The following DPT variants were observed in gnomAD, a reference collection of about 807,000 sequenced individuals.
DPT encodes tyrosine-rich acidic matrix protein.
Under a neutral mutation model 31.2 loss-of-function variants are expected in DPT, and 21 were observed. The ratio of observed to expected loss-of-function variants is 0.67; its 90% CI spans 0.48 to 0.97. The LOEUF (loss-of-function observed/expected upper bound fraction) is 0.97, where lower values mean the gene tolerates loss of function less well. Ranked by LOEUF, DPT falls within the 50% of genes least tolerant of loss-of-function variation. The probability of loss-of-function intolerance (pLI) is 0.00; values close to 1 mark genes in which losing one functional copy is unlikely to be tolerated. For missense variants in DPT, 262 were observed against 258.8 expected, an observed-to-expected ratio of 1.01 and a Z score of -0.08; for synonymous variants, 91 against 86.9, an observed-to-expected ratio of 1.05 and a Z score of -0.26.
At chr1:168,701,777 T>C (rs1243401679) in intron 2 of DPT, among the ~76,000 whole-genome samples, 2 of 152,182 alleles carry the variant, frequency 1.3e-5, no homozygotes, top group African/African-American at 4.8e-5. Flanking sequence ...ACATACATAA[T>C]AAATATTAGC....
At position 168,700,942 on chromosome 1, in the gene DPT, C is replaced by A; in HGVS notation, c.539+75G>T. ...GTGTGTGTGTGTTTATAAATTCCTG[C>A]AGGTAAAATCCTTGCAGGGAGTTAG... On this transcript the variant is annotated intron_variant, in intron 3 of 3. Transcript: ENST00000367817. 4.5e-6 allele frequency: 4 copies of A among 888,284 alleles called. No individual in the cohort carries two copies. In the Admixed American group the frequency reaches 5.6e-5, roughly 12 times the overall value. 55.0% of individuals were successfully genotyped at this position (888,284 alleles called of 1,614,324 possible).
rs1649457352 is a variant in DPT, at chr1:168,695,961, A to G, written c.*588T>C. On this transcript the variant is annotated 3_prime_UTR_variant, in exon 4 of 4. Coordinates refer to ENST00000367817, the MANE Select transcript of DPT (RefSeq NM_001937.5). The stretch of plus-strand genomic sequence containing the variant: ...ACCCTGTTTTCAGCTCTGCCTCCAA[A>G]CCCTTCCATTTCCCCATTTCACCTC... 2.6e-6 allele frequency: 1 copy of G among 384,770 alleles called. No homozygotes were observed. The highest frequency in any genetic ancestry group is 4.6e-6 in the Non-Finnish European group (1 of 217,960). 23.8% of individuals were successfully genotyped at this position (384,770 alleles called of 1,614,324 possible).
At chr1:168,701,367 G>GCTTTGGAATTATCAAAATAA (rs1462940672) in intron 2 of DPT, among the ~76,000 whole-genome samples, 7 of 152,032 alleles carry the variant, frequency 4.6e-5, no homozygotes, top group African/African-American at 1.2e-4. Context: ...ACCTCCCCAG[G>GCTTTGGAATTATCAAAATAA]CTTTGGAATT....
In DPT at chr1:168,726,529, G is replaced by C. The variant is rs1650246155; in HGVS notation, c.305+2341C>G. ...ACTTTCCAAATGAGGCGGGAGACTG[G>C]AGGGCTGAGCGTCTGGGCCAAGGTC... On this transcript the variant is annotated intron_variant, in intron 1 of 3. Coordinates refer to ENST00000367817, the MANE Select transcript of DPT (RefSeq NM_001937.5). 2.6e-5 allele frequency among the ~76,000 whole-genome samples: 4 copies of C among 152,232 alleles called. No individual in the cohort carries two copies. The South Asian group carries it at 8.3e-4, about 32-fold the overall frequency.
chr1:168,709,113 A>G (rs1241593025), intron 2 of DPT, among the ~76,000 whole-genome samples: 1 of 152,210 alleles, frequency 6.6e-6, no homozygotes, highest in African/African-American at 2.4e-5. Flanking sequence ...TTTTACAGTC[A>G]AAAGATATTA....
chr1:168,712,551 T>A (rs944277101), intron 2 of DPT, among the ~76,000 whole-genome samples: 9 of 152,338 alleles, frequency 5.9e-5, no homozygotes, highest in South Asian at 2.1e-4. Flanking sequence ...GCTGGTTTCC[T>A]TGTGGGAAGT....
chr1:168,702,612 C>CTTTTTTTTTTT (rs10656421), intron 2 of DPT, among the ~76,000 whole-genome samples: 23 of 132,432 alleles, frequency 1.7e-4, no homozygotes, highest in African/African-American at 6.2e-4. Context: ...AGGTAAATGT[C>CTTTTTTTTTTT]TTTTTTTTTT....
intron 2 of DPT, among the ~76,000 whole-genome samples, chr1:168,713,499 G>T (rs1361937011): frequency 6.6e-6 from 1 of 152,110 alleles, no homozygotes; most frequent in East Asian, 1.9e-4. Context: ...GGATCCCCTT[G>T]CCCAAGGCAG....
At chr1:168,699,531 G>C (rs546768786) in intron 3 of DPT, among the ~76,000 whole-genome samples, 1 of 150,704 alleles carries the variant, frequency 6.6e-6, no homozygotes, top group Non-Finnish European at 1.5e-5. Context: ...AAACATAAAG[G>C]TTTTTGCTGA....
At position 168,695,951 on chromosome 1, in the gene DPT, C is replaced by T. The variant is rs151333980; in HGVS notation, c.*598G>A. The T allele has an allele frequency of 2.6e-6, 1 of 380,846 alleles. No homozygotes were observed. Among genetic ancestry groups the T allele is most frequent in the Non-Finnish European group, 4.6e-6 (1 of 215,156 alleles). 23.6% of individuals were successfully genotyped at this position (380,846 alleles called of 1,614,324 possible). A position where few individuals can be genotyped will look rare whatever the true frequency, so the allele number is the denominator to read the frequency against. ...AATCCTTCCAACCCTGTTTTCAGCT[C>T]TGCCTCCAAACCCTTCCATTTCCCC... is the stretch of plus-strand genomic sequence containing the variant. On this transcript the variant is annotated 3_prime_UTR_variant, in exon 4 of 4. Transcript: ENST00000367817.
intron 1 of DPT, among the ~76,000 whole-genome samples, chr1:168,719,171 G>C (rs1024700221): frequency 6.6e-6 from 1 of 152,148 alleles, no homozygotes; most frequent in Non-Finnish European, 1.5e-5. Context: ...TTCCATTAAG[G>C]GCCCTGAAAC....
intron 1 of DPT, among the ~76,000 whole-genome samples, chr1:168,722,746 C>T (rs529949): frequency 0.71 from 108,258 of 151,902 alleles, 39,619 homozygotes; most frequent in African/African-American, 0.88. Flanking sequence ...GGAGTTGAGA[C>T]GACTTGAGTA....
intron 2 of DPT, among the ~76,000 whole-genome samples, chr1:168,707,409 T>C (rs1649746401): frequency 6.6e-6 from 1 of 152,166 alleles, no homozygotes; most frequent in African/African-American, 2.4e-5. Context: ...GCAGACTAGA[T>C]AGAATAAAGC....
At chr1:168,706,138 G>A (rs1049425066) in intron 2 of DPT, among the ~76,000 whole-genome samples, 1 of 152,214 alleles carries the variant, frequency 6.6e-6, no homozygotes, top group Non-Finnish European at 1.5e-5. Context: ...ATAACATCAT[G>A]ATGGCCAATA....
In DPT at chr1:168,714,270, A is replaced by G. The variant is rs199993492; in HGVS notation, c.382T>C (p.Trp128Arg). Residue 128 changes from tryptophan (W) to arginine (R), a missense_variant, in exon 2 of 4, where the codon TGG becomes CGG. Coordinates refer to ENST00000367817, the MANE Select transcript of DPT (RefSeq NM_001937.5). ...CTGTAGCGACAACAGTAAAACTGCC[A>G]CTCCCGATCCAGCACTGACTCGAAG... ...RYFESVLDRE[W>R]QFYCCRYSKR... The G allele has an allele frequency of 6.2e-7, 1 of 1,613,534 alleles. No individual in the cohort carries two copies. Among genetic ancestry groups the G allele is most frequent in the Admixed American group, 1.7e-5 (1 of 59,962 alleles).
intron 2 of DPT, among the ~76,000 whole-genome samples, chr1:168,712,644 G>A (rs532535906): frequency 2.0e-5 from 3 of 152,264 alleles, no homozygotes; most frequent in South Asian, 2.1e-4. Flanking sequence ...GGGCGCACTC[G>A]TCTTTGGAAC....
intron 1 of DPT, among the ~76,000 whole-genome samples, chr1:168,721,765 A>G (rs988038680): frequency 6.6e-6 from 1 of 152,218 alleles, no homozygotes; most frequent in African/African-American, 2.4e-5. Context: ...AAGTTTTTGA[A>G]CACTGCACCG....
chr1:168,705,024 A>T (rs1256045743), intron 2 of DPT, among the ~76,000 whole-genome samples: 1 of 152,196 alleles, frequency 6.6e-6, no homozygotes, highest in East Asian at 1.9e-4. Context: ...ACGCTCTCAC[A>T]TCCATTTTAG....
At chr1:168,697,135 A>G (rs575086899) in intron 3 of DPT, among the ~76,000 whole-genome samples, 24 of 152,166 alleles carry the variant, frequency 1.6e-4, no homozygotes, top group Admixed American at 5.9e-4. Context: ...GTGGTGGTGC[A>G]TGCCTGTAGT....
Sources: allele counts gnomAD v4.1 joint callset (sites outside exome capture counted in the v4.1 genomes callset), GRCh38; gene constraint gnomAD v4.1.1; transcripts MANE v1.5; gene names NCBI Gene and HGNC (gene_info 2026-07-23, HGNC 2026-07-21).